Variants in SLCO3A1 observed in about 807,000 individuals in gnomAD.
The protein encoded by SLCO3A1 is solute carrier organic anion transporter family member 3A1, also known as PGE1 transporter.
A neutral mutation model predicts 63.1 loss-of-function variants in SLCO3A1; 27 were observed. That is an observed-to-expected ratio of 0.43 (90% CI 0.32 to 0.59). The LOEUF (loss-of-function observed/expected upper bound fraction) is 0.59. SLCO3A1 is among the 20% of genes least tolerant of loss of function. The probability of loss-of-function intolerance (pLI) is 0.09; values close to 1 mark genes in which losing one functional copy is unlikely to be tolerated. For missense variants in SLCO3A1, 773 were observed against 945.8 expected (o/e 0.82, Z 2.40); for synonymous variants, 473 against 409.9 (o/e 1.15, Z -1.86).
intron 2 of SLCO3A1, among the ~76,000 whole-genome samples, chr15:91,980,021 G>A (rs767988233): frequency 5.3e-5 from 8 of 152,178 alleles, no homozygotes; most frequent in Non-Finnish European, 1.2e-4. Context: ...TTCACCATCC[G>A]CATTTGGTGC....
downstream of SLCO3A1, among the ~76,000 whole-genome samples, chr15:92,169,586 C>CCTACT (rs150747122): frequency 0.15 from 22,951 of 152,094 alleles, 2,256 homozygotes; most frequent in East Asian, 0.3. Flanking sequence ...ATAGGAGACT[C>CCTACT]CTAGTGCATT....
chr15:92,047,510 T>TAA (rs1463152584), intron 2 of SLCO3A1, among the ~76,000 whole-genome samples: 1 of 35,528 alleles, frequency 2.8e-5, no homozygotes, highest in African/African-American at 1.0e-4. Flanking sequence ...TATAAATATA[T>TAA]ATAAATACAT....
chr15:92,165,529 C>T lies in SLCO3A1; in HGVS notation c.*2394C>T, dbSNP rs1212512530. The T allele has an allele frequency of 1.1e-5, 11 of 983,004 alleles. No homozygotes were observed. The highest frequency in any genetic ancestry group is 1.3e-5 in the Non-Finnish European group (11 of 828,194). 60.9% of individuals were successfully genotyped at this position (983,004 alleles called of 1,614,324 possible). ...GAAAAAAAAAAGAAAGTTTTTTAAACTCTTTGCATTTTGGATTTTTTTTCC... is the reference window on the plus strand; with the variant it reads ...GAAAAAAAAAAGAAAGTTTTTTAAATTCTTTGCATTTTGGATTTTTTTTCC... On this transcript the variant is annotated 3_prime_UTR_variant, in exon 10 of 10. Coordinates refer to ENST00000318445, the MANE Select transcript of SLCO3A1 (RefSeq NM_013272.4).
At chr15:92,142,835 T>C (rs1034050881) in intron 7 of SLCO3A1, among the ~76,000 whole-genome samples, 1 of 152,104 alleles carries the variant, frequency 6.6e-6, no homozygotes, top group Admixed American at 6.5e-5. Context: ...TTTAACACTT[T>C]TTAGGGCAGA....
rs1273565321 is a variant in SLCO3A1 at position 91,875,747 on chromosome 15, A to G, written c.180+21659A>G. Among the ~76,000 whole-genome samples the G allele has an allele frequency of 6.6e-6, 1 of 152,230 alleles. No individual in the cohort carries two copies. The highest frequency in any genetic ancestry group is 1.5e-5 in the Non-Finnish European group (1 of 68,040). ...AACATGAAGCAGTGACAGTGATTCT[A>G]GAGCAGGGGTTGGCAAACTATAGCC... is the stretch of plus-strand genomic sequence containing the variant. On this transcript the variant is annotated intron_variant, in intron 1 of 9. Transcript: ENST00000318445. This position sits in a 1 kb window ranked among gnomAD's most constrained non-coding sequence, Gnocchi z 4.5.
At chr15:91,926,558 C>CGTGTGTGTGTGTGTGTGTGTGTGTGTGT (rs565234731) in intron 2 of SLCO3A1, among the ~76,000 whole-genome samples, 6 of 126,040 alleles carry the variant, frequency 4.8e-5, no homozygotes, top group African/African-American at 1.7e-4. Context: ...CCTGCCAAGC[C>CGTGTGTGTGTGTGTGTGTGTGTGTGTGT]GTGTGTGTGT....
intron 2 of SLCO3A1, among the ~76,000 whole-genome samples, chr15:92,032,819 A>G (rs976341716): frequency 6.6e-6 from 1 of 150,688 alleles, no homozygotes; most frequent in African/African-American, 2.4e-5. Flanking sequence ...GATTTGGAGC[A>G]TGGTTGGATT....
chr15:92,143,027 T>C (rs1001306248), intron 7 of SLCO3A1, among the ~76,000 whole-genome samples: 3 of 151,900 alleles, frequency 2.0e-5, no homozygotes, highest in African/African-American at 7.3e-5. Flanking sequence ...CCAGTGCCCA[T>C]ATCACATTCC....
intron 2 of SLCO3A1, among the ~76,000 whole-genome samples, chr15:91,926,477 C>T (rs941540864): frequency 1.3e-5 from 2 of 151,350 alleles, no homozygotes; most frequent in African/African-American, 4.9e-5. Context: ...CAAATGACTT[C>T]ATATTGTCAG....
intron 2 of SLCO3A1, among the ~76,000 whole-genome samples, chr15:91,983,714 C>T (rs940651051): frequency 1.3e-5 from 2 of 152,086 alleles, no homozygotes. Flanking sequence ...TGACAAAAAG[C>T]AATAAAATCA....
chr15:91,974,262 A>ATTG (rs201243284), intron 2 of SLCO3A1, among the ~76,000 whole-genome samples: 303 of 142,396 alleles, frequency 2.1e-3, no homozygotes, highest in African/African-American at 7.0e-3. Flanking sequence ...CATTTTCATT[A>ATTG]TTGTTATTAT....
chr15:91,962,169 T>C (rs1424128917), intron 2 of SLCO3A1, among the ~76,000 whole-genome samples: 1 of 152,042 alleles, frequency 6.6e-6, no homozygotes, highest in African/African-American at 2.4e-5. Flanking sequence ...AGGCAGTGAC[T>C]AGAGTGGACA....
chr15:91,906,032 T>C (rs2151373112), intron 1 of SLCO3A1, among the ~76,000 whole-genome samples: 1 of 152,316 alleles, frequency 6.6e-6, no homozygotes, highest in South Asian at 2.1e-4. Context: ...GCACCTTAGC[T>C]GCGTGGCATC....
chr15:92,135,307 T>C (rs1185845698), intron 7 of SLCO3A1, among the ~76,000 whole-genome samples: 1 of 152,052 alleles, frequency 6.6e-6, no homozygotes, highest in East Asian at 1.9e-4. Flanking sequence ...AAAACCCCCT[T>C]CCTCCCCTCA....
At chr15:92,155,780 C>G (rs2048363376) in intron 9 of SLCO3A1, among the ~76,000 whole-genome samples, 1 of 152,130 alleles carries the variant, frequency 6.6e-6, no homozygotes, top group Non-Finnish European at 1.5e-5. Context: ...AATGAAAGCT[C>G]AAGATGAGGC....
At chr15:91,924,964 A>C (rs1898963444) in intron 2 of SLCO3A1, among the ~76,000 whole-genome samples, 1 of 152,230 alleles carries the variant, frequency 6.6e-6, no homozygotes, top group South Asian at 2.1e-4. Context: ...AGGAAATAGG[A>C]CCAGAGAGGC....
chr15:91,903,170 G>A (rs946051701), intron 1 of SLCO3A1, among the ~76,000 whole-genome samples: 4 of 152,118 alleles, frequency 2.6e-5, no homozygotes, highest in Admixed American at 6.6e-5. Context: ...CTTGACATAC[G>A]GAGGAAATGA....
intron 1 of SLCO3A1, among the ~76,000 whole-genome samples, chr15:91,901,279 C>G (rs1184680397): frequency 1.3e-5 from 2 of 152,158 alleles, no homozygotes; most frequent in African/African-American, 4.8e-5. Context: ...CATCCCCCTC[C>G]TTTGTAGTTT....
At chr15:92,100,888 A>G (rs1283391953) in intron 3 of SLCO3A1, among the ~76,000 whole-genome samples, 1 of 152,208 alleles carries the variant, frequency 6.6e-6, no homozygotes, top group African/African-American at 2.4e-5. Flanking sequence ...TTAGGAGGAA[A>G]GAGGGGGTGG....
Sources: gnomAD v4.1 joint callset for allele counts (sites outside exome capture counted in the v4.1 genomes callset) on GRCh38, gnomAD v4.1.1 for gene constraint, Gnocchi (gnomAD v3.1) non-coding constraint, MANE v1.5 for transcripts, NCBI Gene and HGNC (gene_info 2026-07-23, HGNC 2026-07-21) for gene names.